The following HPS5 variants were observed in gnomAD, a reference collection of about 807,000 sequenced individuals.
The protein encoded by HPS5 is HPS5 biogenesis of lysosomal organelles complex 2 subunit 2, also known as BLOC-2 complex member HPS5.
In HPS5, 83 loss-of-function variants were observed where a neutral mutation model predicts 128.0. The observed-to-expected ratio is 0.65, with a 90% CI of 0.54 to 0.78. The LOEUF is 0.78. Among genes scored for constraint, HPS5 ranks in the 30% least tolerant of loss-of-function variants. HPS5 has a pLI of 0.00. For synonymous variants in HPS5, 475 were observed against 470.2 expected (o/e 1.01, Z -0.13); for missense variants, 1,281 against 1,326.2 (o/e 0.97, Z 0.53).
intron 1 of HPS5, among the ~76,000 whole-genome samples, chr11:18,318,329 T>C (rs994310522): frequency 6.6e-6 from 1 of 152,226 alleles, no homozygotes; most frequent in Admixed American, 6.5e-5. Context: ...TTAACTGTTA[T>C]CAGCAAACCC....
intron 3 of HPS5, 54 bp downstream of exon 3, chr11:18,311,860 G>C (rs1863061268): frequency 8.8e-7 from 1 of 1,136,636 alleles, no homozygotes; most frequent in South Asian, 1.2e-5. Context: ...GGAGAAATTT[G>C]CATTTATGAA....
intron 10 of HPS5, among the ~76,000 whole-genome samples, chr11:18,298,040 A>G (rs1283055093): frequency 1.3e-5 from 2 of 151,528 alleles, no homozygotes; most frequent in Admixed American, 1.3e-4. Context: ...AGATCACGCC[A>G]TTGCACTCCA....
chr11:18,306,219 T>TC lies in HPS5; in HGVS notation c.739dup (p.Glu247GlyfsTer5), dbSNP rs761811248. The TC allele has an allele frequency of 5.6e-6, 9 of 1,614,128 alleles. No individual in the cohort carries two copies. The Admixed American group carries it at 1.2e-4, about 21-fold the overall frequency. The stretch of plus-strand genomic sequence containing the variant: ...TATAACTTCTCCATCAAAGTTCACT[T>TC]CCCACATCCTAGAGCCTGGGCGAGC... On this transcript the variant is annotated frameshift_variant, in exon 7 of 23. Transcript: ENST00000349215. LOFTEE classifies it high-confidence loss of function.
At position 18,311,404 on chromosome 11, in the gene HPS5, A is replaced by G; in HGVS notation, c.267T>C (p.Tyr89=). 1 of 1,607,716 alleles carries G rather than the reference A, an allele frequency of 6.2e-7. No individual in the cohort carries two copies. Among genetic ancestry groups the G allele is most frequent in the Non-Finnish European group, 8.5e-7 (1 of 1,174,672 alleles). Residue 89 remains tyrosine (Y), a synonymous_variant, in exon 4 of 23, where the codon TAT becomes TAC. Coordinates refer to ENST00000349215, the MANE Select transcript of HPS5 (RefSeq NM_181507.2). The part of the protein sequence containing the change: ...QVACCLHDDD[Y]VAVATSQGLV... ...ATTCTTACCTGGTAGCTACAGCAAC[A>G]TAATCATCATCATGTAAACAACAGG...
At chr11:18,310,981 T>C (rs1221012948) in intron 4 of HPS5, 48 bp from the exon 5 acceptor site, 6 of 1,434,922 alleles carry the variant, frequency 4.2e-6, no homozygotes, top group Non-Finnish European at 5.9e-6. Flanking sequence ...GTGAACAAGG[T>C]ACAATTTTGT....
At position 18,308,966 on chromosome 11, in the gene HPS5, G is replaced by A. The variant is rs1262863095; in HGVS notation, c.591C>T (p.Ser197=). 4.3e-6 allele frequency: 7 copies of A among 1,614,040 alleles called. No individual in the cohort carries two copies. Among genetic ancestry groups the A allele is most frequent in the Non-Finnish European group, 5.1e-6 (6 of 1,179,926 alleles). The change falls in exon 6 of 23, where the codon TCC becomes TCT. Residue 197 remains serine, a synonymous_variant. Transcript: ENST00000349215. The part of the protein sequence containing the change: ...GRLLISSLTR[S]FLCDTEREKF... ...TATACCTCTCAGTGTCACACAAGAA[G>A]GATCGAGTAAGTGAAGATATAAGTA...
In HPS5 at chr11:18,317,852, A is replaced by C; in HGVS notation, c.7T>G (p.Phe3Val). The C allele has an allele frequency of 6.2e-7, 1 of 1,613,146 alleles. No homozygotes were observed. The highest frequency in any genetic ancestry group is 8.5e-7 in the Non-Finnish European group (1 of 1,179,502). MAFVPVIPESYSH... is the reference protein window; with the variant it reads MAVVPVIPESYSH... ...TAGGACTCTGGTATCACTGGCACAA[A>C]AGCCATTTAGCCAGAAAGCTGAAAC... is the stretch of plus-strand genomic sequence containing the variant. The change falls in exon 2 of 23, where the codon TTT (phenylalanine) becomes GTT (valine). Residue 3 changes from phenylalanine (F) to valine (V), a missense_variant. By Grantham distance (50) the Phe-to-Val change is conservative (BLOSUM62 -1). Coordinates refer to ENST00000349215, the MANE Select transcript of HPS5 (RefSeq NM_181507.2).
intron 6 of HPS5, among the ~76,000 whole-genome samples, chr11:18,306,855 T>C (rs969127485): frequency 6.6e-6 from 1 of 152,204 alleles, no homozygotes; most frequent in Non-Finnish European, 1.5e-5. Context: ...GAGCATTCTG[T>C]TCCCTTAGGA....
intron 1 of HPS5, among the ~76,000 whole-genome samples, chr11:18,318,548 C>T (rs192730319): frequency 6.6e-6 from 1 of 152,178 alleles, no homozygotes; most frequent in East Asian, 1.9e-4. Flanking sequence ...TACAAGGTAA[C>T]AAATGCCAAA....
chr11:18,289,876 T>A (rs1418188303), intron 16 of HPS5, among the ~76,000 whole-genome samples: 1 of 152,256 alleles, frequency 6.6e-6, no homozygotes, highest in Non-Finnish European at 1.5e-5. Context: ...TGGTTTCTAT[T>A]ATATGTCAGG....
chr11:18,287,160 C>G (rs1291533528), intron 18 of HPS5, among the ~76,000 whole-genome samples: 1 of 152,088 alleles, frequency 6.6e-6, no homozygotes, highest in African/African-American at 2.4e-5. Context: ...CATGGGGAGA[C>G]AGAAAATCAG....
intron 2 of HPS5, among the ~76,000 whole-genome samples, chr11:18,316,285 C>A (rs1206708585): frequency 1.3e-5 from 2 of 151,496 alleles, no homozygotes; most frequent in African/African-American, 4.9e-5. Context: ...ACAGAGACAA[C>A]CTGTTTCAAA....
intron 1 of HPS5, among the ~76,000 whole-genome samples, chr11:18,319,982 T>C (rs1864125553): frequency 1.3e-5 from 2 of 151,996 alleles, no homozygotes; most frequent in African/African-American, 4.8e-5. Flanking sequence ...ACTTGTGATC[T>C]TGAAACAAAG....
chr11:18,290,934 T>C (rs193097130), intron 16 of HPS5, among the ~76,000 whole-genome samples: 2 of 152,106 alleles, frequency 1.3e-5, no homozygotes, highest in Admixed American at 6.5e-5. Context: ...AAATAAAAAA[T>C]AGGGCCAGGC....
At chr11:18,288,957 T>C (rs1490851867) in intron 16 of HPS5, among the ~76,000 whole-genome samples, 6 of 152,160 alleles carry the variant, frequency 3.9e-5, no homozygotes, top group Middle Eastern at 6.8e-3. Flanking sequence ...TATGTGTGTG[T>C]AGACAGGGTC....
chr11:18,296,953 T>C lies in HPS5; in HGVS notation c.1355A>G (p.Tyr452Cys). The C allele has an allele frequency of 6.2e-7, 1 of 1,601,348 alleles. No individual in the cohort carries two copies. The highest frequency in any genetic ancestry group is 8.5e-7 in the Non-Finnish European group (1 of 1,172,614). ...ESFSILDSGI[Y>C]RIISSRRGSQ... The stretch of plus-strand genomic sequence containing the variant: ...GCCTCTTCTACTACTAATGATACGA[T>C]AAATACCAGAGTCCAAGATGCTGAA... Residue 452 changes from tyrosine (Y) to cysteine (C), a missense_variant, in exon 12 of 23, where the codon TAT becomes TGT. Physicochemically the swap from Tyr to Cys is radical, Grantham distance 194 (BLOSUM62 -2). Transcript: ENST00000349215.
chr11:18,286,558 G>GA (rs759007351), intron 19 of HPS5, 33 bp downstream of exon 19: 4 of 1,605,168 alleles, frequency 2.5e-6, no homozygotes, highest in Non-Finnish European at 3.4e-6. Context: ...AAAAAGTAAA[G>GA]AAAAAAACAA....
In HPS5 at chr11:18,305,415, A is replaced by G; in HGVS notation, c.896+7T>C. ...CCCCCCCAGAACTAAGGAAAGTAGA[A>G]ACTTACCTAAGATGTAAGAGTTTGG... On this transcript the variant is annotated splice_region_variant and intron_variant, in intron 8 of 22. Coordinates refer to ENST00000349215, the MANE Select transcript of HPS5 (RefSeq NM_181507.2). The G allele has an allele frequency of 2.6e-6, 4 of 1,561,708 alleles. No homozygotes were observed. The highest frequency in any genetic ancestry group is 3.5e-6 in the Non-Finnish European group (4 of 1,132,412).
intron 2 of HPS5, among the ~76,000 whole-genome samples, chr11:18,312,301 G>A (rs1303379769): frequency 4.6e-5 from 7 of 152,198 alleles, no homozygotes; most frequent in Non-Finnish European, 8.8e-5. Flanking sequence ...TGGCTGTTAA[G>A]ACTTCATATT....
Sources: allele counts gnomAD v4.1 joint callset (sites outside exome capture counted in the v4.1 genomes callset), GRCh38; gene constraint gnomAD v4.1.1; transcripts MANE v1.5; gene names NCBI Gene and HGNC (gene_info 2026-07-23, HGNC 2026-07-21).